GALNT13: variants seen among roughly 807,000 people sequenced by gnomAD.
GALNT13 encodes UDP-GalNAc:polypeptide N-acetylgalactosaminyltransferase 13.
GALNT13 carries 28 observed loss-of-function variants against 64.2 expected under a neutral mutation model. The ratio of observed to expected loss-of-function variants is 0.44; its 90% CI spans 0.32 to 0.60. GALNT13 has a LOEUF of 0.60. Ranked by LOEUF, GALNT13 falls within the 20% of genes least tolerant of loss-of-function variation. The pLI is 0.05. For missense variants in GALNT13, 577 were observed against 669.8 expected (o/e 0.86, Z 1.53); for synonymous variants, 214 against 224.6 (o/e 0.95, Z 0.42).
chr2:153,295,752 T>C, the GALNT13 span, among the ~76,000 whole-genome samples: 1 of 152,162 alleles, frequency 6.6e-6, no homozygotes, highest in Admixed American at 6.6e-5. Context: ...ATGCAGAATC[T>C]TGAGAAAAAT....
intron 9 of GALNT13, among the ~76,000 whole-genome samples, chr2:154,387,582 C>T (rs1559127908): frequency 6.6e-6 from 1 of 152,148 alleles, no homozygotes. Context: ...TTCCTCCCTC[C>T]TCATGCCTGT....
At chr2:153,766,892 A>C in the GALNT13 span, among the ~76,000 whole-genome samples, 1 of 151,806 alleles carries the variant, frequency 6.6e-6, no homozygotes, top group African/African-American at 2.4e-5. Flanking sequence ...CCATTATCGG[A>C]GTTTTCTTAT....
the GALNT13 span, among the ~76,000 whole-genome samples, chr2:153,632,449 C>T: frequency 2.0e-5 from 3 of 152,110 alleles, no homozygotes; most frequent in South Asian, 2.1e-4. Flanking sequence ...GTCATGTATT[C>T]ATCCATCATT....
chr2:153,986,542 T>C (rs1694812260), intron 3 of GALNT13, among the ~76,000 whole-genome samples: 1 of 151,950 alleles, frequency 6.6e-6, no homozygotes, highest in East Asian at 1.9e-4. Context: ...ATTTATGGAC[T>C]TCACAATTGT....
chr2:153,443,517 A>C, the GALNT13 span, among the ~76,000 whole-genome samples: 1 of 152,180 alleles, frequency 6.6e-6, no homozygotes, highest in Non-Finnish European at 1.5e-5. Context: ...AATTTCATAA[A>C]TATGTCACTA....
the GALNT13 span, among the ~76,000 whole-genome samples, chr2:153,438,988 A>T: frequency 6.6e-6 from 1 of 151,904 alleles, no homozygotes; most frequent in African/African-American, 2.4e-5. Context: ...TGACGTACAG[A>T]TGCGTTTTTG....
the GALNT13 span, among the ~76,000 whole-genome samples, chr2:153,519,260 T>C: frequency 2.6e-5 from 4 of 152,290 alleles, no homozygotes; most frequent in South Asian, 8.3e-4. Context: ...CAAATTTTGA[T>C]TGTTGATATT....
the GALNT13 span, among the ~76,000 whole-genome samples, chr2:153,704,538 G>GA: frequency 6.6e-6 from 1 of 152,176 alleles, no homozygotes; most frequent in Admixed American, 6.5e-5. Context: ...ATGCAAGAGT[G>GA]AAAATCTTTC....
At chr2:153,300,573 T>C in the GALNT13 span, among the ~76,000 whole-genome samples, 7 of 152,238 alleles carry the variant, frequency 4.6e-5, no homozygotes, top group South Asian at 2.1e-4. Flanking sequence ...TCTTATTTGC[T>C]GACTACATTT....
chr2:153,698,324 A>G, the GALNT13 span, among the ~76,000 whole-genome samples: 1 of 152,202 alleles, frequency 6.6e-6, no homozygotes, highest in Non-Finnish European at 1.5e-5. Flanking sequence ...CTCAAGACCC[A>G]TCAGTGTGCT....
chr2:154,353,268 C>T (rs1345584521), intron 9 of GALNT13, among the ~76,000 whole-genome samples: 1 of 151,964 alleles, frequency 6.6e-6, no homozygotes, highest in Non-Finnish European at 1.5e-5. Flanking sequence ...AATGAACCTG[C>T]CTTGTTACAA....
the GALNT13 span, among the ~76,000 whole-genome samples, chr2:153,635,757 A>G: frequency 6.6e-6 from 1 of 152,104 alleles, no homozygotes; most frequent in Admixed American, 6.6e-5. Context: ...CAAATATTGC[A>G]TATCTGTGGT....
the GALNT13 span, among the ~76,000 whole-genome samples, chr2:153,360,319 C>T: frequency 6.6e-6 from 1 of 152,342 alleles, no homozygotes; most frequent in South Asian, 2.1e-4. Flanking sequence ...GCCCATACTA[C>T]TGGGGCCTGG....
intron 4 of GALNT13, among the ~76,000 whole-genome samples, chr2:154,152,608 T>G (rs1320354322): frequency 6.6e-6 from 1 of 152,176 alleles, no homozygotes; most frequent in Non-Finnish European, 1.5e-5. Flanking sequence ...AGTCCCATAT[T>G]TCTTGGAGGC....
chr2:154,005,214 T>C (rs577899285), intron 3 of GALNT13, among the ~76,000 whole-genome samples: 28 of 152,346 alleles, frequency 1.8e-4, no homozygotes, highest in South Asian at 4.1e-4. Context: ...AAATTGCTGT[T>C]ATATTGGTAT....
intron 4 of GALNT13, among the ~76,000 whole-genome samples, chr2:154,141,257 T>C (rs1044427885): frequency 2.6e-5 from 4 of 152,148 alleles, no homozygotes; most frequent in Non-Finnish European, 5.9e-5. Context: ...ACACTTAGGT[T>C]ATACTAAATT....
At chr2:153,188,210 G>A in the GALNT13 span, among the ~76,000 whole-genome samples, 23 of 151,782 alleles carry the variant, frequency 1.5e-4, no homozygotes, top group African/African-American at 5.1e-4. Context: ...AACTGAAGCT[G>A]CAAATGTAAT....
chr2:153,251,284 T>C, the GALNT13 span, among the ~76,000 whole-genome samples: 1 of 152,188 alleles, frequency 6.6e-6, no homozygotes, highest in Non-Finnish European at 1.5e-5. Flanking sequence ...ATAATTGTAA[T>C]TGATATGTTA....
At chr2:153,163,934 C>T in the GALNT13 span, among the ~76,000 whole-genome samples, 10 of 150,490 alleles carry the variant, frequency 6.6e-5, no homozygotes, top group African/African-American at 2.2e-4. Context: ...AGGAGAATGG[C>T]GTGAACCCGG....
Sources: allele counts gnomAD v4.1 joint callset (sites outside exome capture counted in the v4.1 genomes callset), GRCh38; gene constraint gnomAD v4.1.1; transcripts MANE v1.5; gene names NCBI Gene and HGNC (gene_info 2026-07-23, HGNC 2026-07-21).